The following IL5RA variants were observed in gnomAD, a reference collection of about 807,000 sequenced individuals.
The protein encoded by IL5RA is interleukin 5 receptor subunit alpha, also known as interleukin-5 receptor subunit alpha.
Under a neutral mutation model 50.0 loss-of-function variants are expected in IL5RA, and 49 were observed. That is an observed-to-expected ratio of 0.98 (90% CI 0.78 to 1.24). IL5RA has a LOEUF of 1.24. Ranked by LOEUF, IL5RA falls within the 50% of genes most tolerant of loss-of-function variation. IL5RA has a pLI of 0.00. For synonymous variants in IL5RA, 202 were observed against 174.0 expected, an observed-to-expected ratio of 1.16 and a Z score of -1.26; for missense variants, 600 against 500.4, an observed-to-expected ratio of 1.20 and a Z score of -1.90.
intron 9 of IL5RA, among the ~76,000 whole-genome samples, chr3:3,078,612 T>C (rs1272751915): frequency 6.6e-6 from 1 of 152,152 alleles, no homozygotes; most frequent in Non-Finnish European, 1.5e-5. Flanking sequence ...GGCGGGTGGA[T>C]CACTTGAGGT....
chr3:3,087,354 C>T (rs1702907471), intron 9 of IL5RA, among the ~76,000 whole-genome samples: 1 of 152,194 alleles, frequency 6.6e-6, no homozygotes, highest in African/African-American at 2.4e-5. Context: ...CCCTGTGCTC[C>T]TTGGCTGGCC....
intron 9 of IL5RA, among the ~76,000 whole-genome samples, chr3:3,086,316 A>G (rs1365086348): frequency 6.6e-6 from 1 of 152,224 alleles, no homozygotes; most frequent in Non-Finnish European, 1.5e-5. Context: ...AGAGAAGATG[A>G]TGGACTTGAG....
chr3:3,105,630 C>CCG (rs1703880753), intron 2 of IL5RA: 1 of 142,082 alleles, frequency 7.0e-6, no homozygotes, highest in African/African-American at 2.6e-5. Context: ...TTGTTCCCCC[C>CCG]CCCACCCCGC....
intron 10 of IL5RA, 108 bp from the exon 11 acceptor site, chr3:3,074,974 A>C: frequency 5.7e-6 from 4 of 697,426 alleles, no homozygotes; most frequent in Non-Finnish European, 1.0e-5. Flanking sequence ...CTGTTTTGTA[A>C]ATTCAAAATC....
In IL5RA at chr3:3,066,986, A is replaced by C. The variant is rs999230147; in HGVS notation, c.*3239T>G. 2 of 152,120 alleles carry C rather than the reference A, an allele frequency of 1.3e-5. No individual in the cohort carries two copies. The highest frequency in any genetic ancestry group is 4.8e-5 in the African/African-American group (2 of 41,414). 9.4% of individuals were successfully genotyped at this position (152,120 alleles called of 1,614,324 possible). ...CTCTAGGAGAAAAGTGACTCTCTAC[A>C]CTCGTCCTAGTGAGAGATGGCAAGA... On this transcript the variant is annotated 3_prime_UTR_variant, in exon 12 of 12. Transcript: ENST00000446632.
intron 11 of IL5RA, among the ~76,000 whole-genome samples, chr3:3,073,438 C>T (rs1474909458): frequency 1.3e-5 from 2 of 152,312 alleles, no homozygotes; most frequent in African/African-American, 2.4e-5. Flanking sequence ...CAGCCACGCT[C>T]ATTCATTAGC....
chr3:3,098,158 G>A lies in IL5RA; in HGVS notation c.500C>T (p.Thr167Met), dbSNP rs145111383. The change falls in exon 6 of 12, where the codon ACG (threonine) becomes ATG (methionine). Residue 167 changes from threonine to methionine, a missense_variant. Physicochemically the swap from Thr to Met is moderately conservative, Grantham distance 81. Transcript: ENST00000446632. ...WLVGTDAPED[T>M]QYFLYYRYGS... ...TAACCTATAGTAGAGAAAATACTGC[G>A]TGTCCTCAGGGGCATCTGTGCCAAC... is the stretch of plus-strand genomic sequence containing the variant. 3.8e-5 allele frequency: 61 copies of A among 1,614,014 alleles called. No homozygotes were observed. The highest frequency in any genetic ancestry group is 8.8e-5 in the South Asian group (8 of 91,090).
At chr3:3,095,845 A>T (rs746177048) in intron 7 of IL5RA, among the ~76,000 whole-genome samples, 3 of 151,880 alleles carry the variant, frequency 2.0e-5, no homozygotes, top group Admixed American at 6.6e-5. Context: ...TCTTCCCAGT[A>T]GGTATGTGGC....
intron 2 of IL5RA, among the ~76,000 whole-genome samples, chr3:3,107,927 T>C (rs1211160199): frequency 6.6e-6 from 1 of 152,212 alleles, no homozygotes; most frequent in Non-Finnish European, 1.5e-5. Flanking sequence ...TATTTTCCCC[T>C]CTTTTTTTTC....
intron 11 of IL5RA, among the ~76,000 whole-genome samples, chr3:3,073,186 G>A (rs1702357925): frequency 6.6e-6 from 1 of 152,134 alleles, no homozygotes; most frequent in Non-Finnish European, 1.5e-5. Context: ...TACCCAAACT[G>A]CAAATGCTAA....
chr3:3,107,249 A>AT (rs5846243), intron 2 of IL5RA, among the ~76,000 whole-genome samples: 58,384 of 148,334 alleles, frequency 0.39, 11,457 homozygotes, highest in Admixed American at 0.45. Flanking sequence ...AAAGAATGAC[A>AT]TTTTTTTTTT....
intron 9 of IL5RA, among the ~76,000 whole-genome samples, chr3:3,082,022 C>T (rs1012677464): frequency 1.1e-4 from 17 of 151,998 alleles, no homozygotes; most frequent in Non-Finnish European, 1.3e-4. Context: ...ATACCTATTG[C>T]GAAGTAGACA....
chr3:3,080,236 C>T (rs1702619465), intron 9 of IL5RA, among the ~76,000 whole-genome samples: 2 of 152,170 alleles, frequency 1.3e-5, no homozygotes, highest in South Asian at 4.1e-4. Flanking sequence ...CACGTACTTT[C>T]TCGATTTAAT....
chr3:3,071,857 T>G (rs1325884198), intron 11 of IL5RA, among the ~76,000 whole-genome samples: 1 of 152,212 alleles, frequency 6.6e-6, no homozygotes, highest in Non-Finnish European at 1.5e-5. Flanking sequence ...CTCAAAGTGC[T>G]GGGATTACAG....
rs960245258 is a variant in IL5RA at position 3,068,529 on chromosome 3, C to T, written c.*1696G>A. The T allele has an allele frequency of 6.3e-5, 9 of 142,312 alleles. No individual in the cohort carries two copies. The East Asian group carries it at 1.3e-3, about 20-fold the overall frequency. 8.8% of individuals were successfully genotyped at this position (142,312 alleles called of 1,614,324 possible). A position where few individuals can be genotyped will look rare whatever the true frequency, so the allele number is the denominator to read the frequency against. On this transcript the variant is annotated 3_prime_UTR_variant, in exon 12 of 12. Transcript: ENST00000446632. ...CAGGGAGGTTGTAGTGAGCTAAGAT[C>T]ACATCACTACACTCTAGCCTGGGAG...
At chr3:3,086,939 T>C (rs1056960513) in intron 9 of IL5RA, among the ~76,000 whole-genome samples, 2 of 152,188 alleles carry the variant, frequency 1.3e-5, no homozygotes, top group Non-Finnish European at 2.9e-5. Flanking sequence ...TTGGAGGCCA[T>C]TACCCTAAGG....
rs542826759 is a variant in IL5RA, at chr3:3,092,030, C to G, written c.994+194G>C. On this transcript the variant is annotated intron_variant, in intron 9 of 11. Coordinates refer to ENST00000446632, the MANE Select transcript of IL5RA (RefSeq NM_175726.4). The surrounding 1 kb of genome is among the most constrained non-coding windows in gnomAD (Gnocchi z 4.2). ...AGGAGAGTTGGCGCTAATGAGAAGC[C>G]TAGACACTTAAAAACTTCACTGGCT... The G allele has an allele frequency of 1.5e-6, 2 of 1,356,214 alleles. No homozygotes were observed. Among genetic ancestry groups the G allele is most frequent in the Non-Finnish European group, 1.9e-6 (2 of 1,058,400 alleles). 84.0% of individuals were successfully genotyped at this position (1,356,214 alleles called of 1,614,324 possible). A position where few individuals can be genotyped will look rare whatever the true frequency, so the allele number is the denominator to read the frequency against.
intron 9 of IL5RA, among the ~76,000 whole-genome samples, chr3:3,076,859 G>T (rs781550664): frequency 6.6e-6 from 1 of 152,138 alleles, no homozygotes; most frequent in Non-Finnish European, 1.5e-5. Flanking sequence ...TGGCAGTGAG[G>T]CCACTTTTAT....
At chr3:3,105,646 G>C (rs897711420) in intron 2 of IL5RA, 3 of 145,828 alleles carry the variant, frequency 2.1e-5, no homozygotes, top group Admixed American at 7.2e-5. Context: ...CCCGCAAAGG[G>C]AGCGGATCAC....
Sources: gnomAD v4.1 joint callset for allele counts (sites outside exome capture counted in the v4.1 genomes callset) on GRCh38, gnomAD v4.1.1 for gene constraint, Gnocchi (gnomAD v3.1) non-coding constraint, MANE v1.5 for transcripts, NCBI Gene and HGNC (gene_info 2026-07-23, HGNC 2026-07-21) for gene names.